The following RYR2 variants were observed in gnomAD, a reference collection of about 807,000 sequenced individuals.
RYR2 encodes the protein ryanodine receptor 2, also known as cardiac muscle ryanodine receptor-calcium release channel.
A neutral mutation model predicts 601.1 loss-of-function variants in RYR2; 227 were observed. The ratio of observed to expected loss-of-function variants is 0.38; its 90% CI spans 0.34 to 0.42. The LOEUF is 0.42. RYR2 is among the 10% of genes least tolerant of loss of function. RYR2 has a pLI of 1.00. For synonymous variants in RYR2, 2,223 were observed against 2,175.1 expected (o/e 1.02, Z -0.61); for missense variants, 4,646 against 6,156.5 (o/e 0.75, Z 8.21).
chr1:237,126,411 C>T (rs1671424883), intron 1 of RYR2, among the ~76,000 whole-genome samples: 1 of 152,130 alleles, frequency 6.6e-6, no homozygotes, highest in Non-Finnish European at 1.5e-5. Context: ...GATGACTGGG[C>T]ATGGTGAGGG....
At chr1:237,574,325 T>C (rs1673009671) in intron 29 of RYR2, among the ~76,000 whole-genome samples, 1 of 152,302 alleles carries the variant, frequency 6.6e-6, no homozygotes, top group South Asian at 2.1e-4. Context: ...AAAATCAGGA[T>C]TGGGGAAGCC....
At chr1:237,200,516 T>G (rs1394442380) in intron 1 of RYR2, among the ~76,000 whole-genome samples, 1 of 152,174 alleles carries the variant, frequency 6.6e-6, no homozygotes, top group African/African-American at 2.4e-5. Flanking sequence ...CTGCCCACCT[T>G]GGCCCTCCAA....
chr1:237,560,527 G>A (rs1163071441), intron 27 of RYR2, among the ~76,000 whole-genome samples: 1 of 152,178 alleles, frequency 6.6e-6, no homozygotes, highest in African/African-American at 2.4e-5. Flanking sequence ...ATGATTGAGG[G>A]TCCTTTGGTT....
chr1:237,626,758 G>C (rs1007510649), intron 40 of RYR2, among the ~76,000 whole-genome samples: 1 of 151,452 alleles, frequency 6.6e-6, no homozygotes, highest in Non-Finnish European at 1.5e-5. Context: ...ATTTTTAGTA[G>C]AGACTGAGTT....
intron 5 of RYR2, among the ~76,000 whole-genome samples, chr1:237,368,318 G>GA (rs1700363507): frequency 6.6e-6 from 1 of 152,040 alleles, no homozygotes; most frequent in Admixed American, 6.6e-5. Flanking sequence ...TACACTAATA[G>GA]AAAAAAACTA....
At position 237,707,235 on chromosome 1, in the gene RYR2, G is replaced by A. The variant is rs190537182; in HGVS notation, c.9867G>A (p.Gly3289=). The A allele has an allele frequency of 5.0e-4, 785 of 1,567,924 alleles. 4 individuals are homozygous for A. In the African/African-American group the frequency reaches 9.4e-3, roughly 19 times the overall value. ...TGAAAATCATATATAATAACTTGGG[G>A]ATTGATGAGGGAGCCTGGATGAAGA... ...NILKIIYNNL[G]IDEGAWMKRL... Residue 3289 remains glycine (G), a synonymous_variant, in exon 68 of 105, where the codon GGG becomes GGA. Transcript: ENST00000366574.
chr1:237,626,654 C>A (rs1679710033), intron 40 of RYR2, among the ~76,000 whole-genome samples: 2 of 118,850 alleles, frequency 1.7e-5, no homozygotes, highest in South Asian at 5.8e-4. Context: ...TGCAGTGGTG[C>A]ATTTTCGGCT....
chr1:237,044,801 C>G (rs1174781073), intron 1 of RYR2, among the ~76,000 whole-genome samples: 1 of 145,560 alleles, frequency 6.9e-6, no homozygotes, highest in African/African-American at 2.5e-5. Context: ...TTTCTCTTAA[C>G]CTGAGAATGT....
intron 2 of RYR2, among the ~76,000 whole-genome samples, chr1:237,325,644 T>C (rs1386528867): frequency 9.2e-5 from 14 of 152,120 alleles, no homozygotes; most frequent in South Asian, 4.2e-4. Flanking sequence ...GCCGAGATTG[T>C]ACCACTGCAT....
chr1:237,493,661 C>T (rs570966849), intron 19 of RYR2, among the ~76,000 whole-genome samples: 30 of 152,210 alleles, frequency 2.0e-4, no homozygotes, highest in African/African-American at 6.7e-4. Flanking sequence ...ACCGTGTTAG[C>T]CAGGATGGTC....
At chr1:237,059,155 A>G (rs1325740485) in intron 1 of RYR2, among the ~76,000 whole-genome samples, 1 of 152,104 alleles carries the variant, frequency 6.6e-6, no homozygotes, top group Non-Finnish European at 1.5e-5. Context: ...TCATTTCCGC[A>G]TTTCCCTCTA....
At chr1:237,196,630 A>C (rs1680600779) in intron 1 of RYR2, among the ~76,000 whole-genome samples, 2 of 152,108 alleles carry the variant, frequency 1.3e-5, no homozygotes, top group Admixed American at 1.3e-4. Context: ...TATGGATCTC[A>C]TTTGATCTTT....
chr1:237,717,283 T>C lies in RYR2; in HGVS notation c.10409T>C (p.Leu3470Pro). The C allele has an allele frequency of 1.2e-6, 2 of 1,613,666 alleles. No individual in the cohort carries two copies. Among genetic ancestry groups the C allele is most frequent in the Non-Finnish European group, 1.7e-6 (2 of 1,179,648 alleles). The change falls in exon 72 of 105, where the codon CTG becomes CCG. Residue 3470 changes from leucine to proline, a missense_variant. Physicochemically the swap from Leu to Pro is moderately conservative, Grantham distance 98 (BLOSUM62 -3). Transcript: ENST00000366574. ...CAGACCTCTCTGATTGTAGCAGCTCTGAAGCGGTTACTGCCCATTGGGTTG... is the reference window on the plus strand; with the variant it reads ...CAGACCTCTCTGATTGTAGCAGCTCCGAAGCGGTTACTGCCCATTGGGTTG... ...SMQTSLIVAA[L>P]KRLLPIGLNI...
At chr1:237,236,283 A>G in intron 1 of RYR2, among the ~76,000 whole-genome samples, 1 of 152,198 alleles carries the variant, frequency 6.6e-6, no homozygotes, top group East Asian at 1.9e-4. Context: ...TAGATCAGTC[A>G]ATAGTACTGA....
intron 4 of RYR2, among the ~76,000 whole-genome samples, chr1:237,360,341 C>A (rs747152622): frequency 1.3e-5 from 2 of 152,214 alleles, no homozygotes; most frequent in Middle Eastern, 3.4e-3. Flanking sequence ...AATTCTCTAT[C>A]GAGACAAGCT....
chr1:237,112,540 C>T (rs1669603066), intron 1 of RYR2, among the ~76,000 whole-genome samples: 1 of 150,030 alleles, frequency 6.7e-6, no homozygotes, highest in Non-Finnish European at 1.5e-5. Flanking sequence ...AGGAGAACTT[C>T]CCCCTACCTC....
At chr1:237,725,344 C>T (rs548870338) in intron 74 of RYR2, among the ~76,000 whole-genome samples, 36 of 152,160 alleles carry the variant, frequency 2.4e-4, no homozygotes, top group African/African-American at 8.2e-4. Flanking sequence ...TAATTTATGC[C>T]TTTAATATCC....
intron 1 of RYR2, among the ~76,000 whole-genome samples, chr1:237,095,571 A>T (rs1667427778): frequency 6.6e-6 from 1 of 152,208 alleles, no homozygotes; most frequent in Non-Finnish European, 1.5e-5. Flanking sequence ...AAGTACCCAC[A>T]AGGCAAGCTA....
At chr1:237,212,174 G>A (rs1295650009) in intron 1 of RYR2, among the ~76,000 whole-genome samples, 1 of 151,898 alleles carries the variant, frequency 6.6e-6, no homozygotes, top group Non-Finnish European at 1.5e-5. Flanking sequence ...AAAATATTAG[G>A]TTCACCCTTA....
Sources: allele counts gnomAD v4.1 joint callset (sites outside exome capture counted in the v4.1 genomes callset), GRCh38; gene constraint gnomAD v4.1.1; transcripts MANE v1.5; gene names NCBI Gene and HGNC (gene_info 2026-07-23, HGNC 2026-07-21).